Variants in BUB1B observed in about 807,000 individuals in gnomAD.
BUB1B encodes the protein BUB1 mitotic checkpoint serine/threonine kinase B.
Under a neutral mutation model 137.7 loss-of-function variants are expected in BUB1B, and 86 were observed. The observed-to-expected ratio is 0.62, with a 90% CI of 0.52 to 0.75. The LOEUF (loss-of-function observed/expected upper bound fraction) is 0.75, where lower values mean the gene tolerates loss of function less well. Ranked by LOEUF, BUB1B falls within the 30% of genes least tolerant of loss-of-function variation. The pLI is 0.00. For synonymous variants in BUB1B, 420 were observed against 417.9 expected, an observed-to-expected ratio of 1.00 and a Z score of -0.06; for missense variants, 1,130 against 1,236.9, an observed-to-expected ratio of 0.91 and a Z score of 1.30.
chr15:40,206,207 C>T lies in BUB1B; in HGVS notation c.1758C>T (p.Pro586=), dbSNP rs2037634161. The T allele has an allele frequency of 6.2e-7, 1 of 1,614,082 alleles. No homozygotes were observed. ...DVCDEFTGIE[P]LSEDAIITGF... is the part of the protein sequence containing the mutation. Reference sequence around the variant, plus strand: ...AGGATGAATTTACAGGAATTGAACCCTTGAGCGAGGATGCCATTATCACAG... The same window carrying T: ...AGGATGAATTTACAGGAATTGAACCTTTGAGCGAGGATGCCATTATCACAG... The change falls in exon 15 of 23, where the codon CCC becomes CCT. Residue 586 remains proline, a synonymous_variant. Coordinates refer to ENST00000287598, the MANE Select transcript of BUB1B (RefSeq NM_001211.6).
At chr15:40,198,267 G>A (rs2037522990) in intron 9 of BUB1B, among the ~76,000 whole-genome samples, 1 of 150,062 alleles carries the variant, frequency 6.7e-6, no homozygotes, top group Non-Finnish European at 1.5e-5. Flanking sequence ...TAGAGAGATG[G>A]GATCTCCCTG....
intron 8 of BUB1B, among the ~76,000 whole-genome samples, chr15:40,193,020 A>T (rs992314356): frequency 6.9e-6 from 1 of 145,136 alleles, no homozygotes; most frequent in African/African-American, 2.5e-5. Flanking sequence ...CTGGCTTATT[A>T]TTTTTTTTTT....
At chr15:40,201,098 A>G (rs1345602150) in intron 12 of BUB1B, 118 bp downstream of exon 12, 2 of 927,964 alleles carry the variant, frequency 2.2e-6, no homozygotes, top group Non-Finnish European at 3.4e-6. Flanking sequence ...CTAGGATACT[A>G]GGAATTTAGT....
chr15:40,167,915 C>T (rs1169595807), intron 2 of BUB1B, among the ~76,000 whole-genome samples: 7 of 152,014 alleles, frequency 4.6e-5, no homozygotes, highest in Admixed American at 4.6e-4. Flanking sequence ...CAATAAAATA[C>T]ACTGTTTTGA....
chr15:40,179,313 A>C (rs1230048909), intron 5 of BUB1B, among the ~76,000 whole-genome samples: 2 of 152,164 alleles, frequency 1.3e-5, no homozygotes, highest in Non-Finnish European at 2.9e-5. Flanking sequence ...TCCATTCATC[A>C]GTTAGTGAAC....
chr15:40,219,061 G>A (rs975344372), intron 22 of BUB1B, among the ~76,000 whole-genome samples: 4 of 152,042 alleles, frequency 2.6e-5, no homozygotes, highest in Admixed American at 6.6e-5. Context: ...ACAGGCGTGC[G>A]CCACCATGCC....
intron 18 of BUB1B, 89 bp from the exon 19 acceptor site, chr15:40,212,410 A>G: frequency 4.1e-6 from 4 of 979,580 alleles, no homozygotes; most frequent in South Asian, 2.7e-5. Flanking sequence ...TTATTTCTCT[A>G]TCAGAAGGGC....
intron 2 of BUB1B, among the ~76,000 whole-genome samples, chr15:40,166,942 T>G (rs1227249755): frequency 6.6e-6 from 1 of 152,170 alleles, no homozygotes; most frequent in African/African-American, 2.4e-5. Context: ...TTGTGGTGTA[T>G]CTGTTTAGAT....
chr15:40,212,688 G>T, intron 19 of BUB1B, 40 bp downstream of exon 19: 2 of 1,586,858 alleles, frequency 1.3e-6, no homozygotes, highest in South Asian at 2.2e-5. Flanking sequence ...TCCTGAAGTA[G>T]AGAGATTTGT....
chr15:40,190,829 C>T (rs942825757), intron 8 of BUB1B, among the ~76,000 whole-genome samples: 1 of 151,842 alleles, frequency 6.6e-6, no homozygotes, highest in African/African-American at 2.4e-5. Flanking sequence ...GATTCACATC[C>T]TAGGTGGAAC....
At chr15:40,183,691 A>AAT in intron 5 of BUB1B, 23 bp from the exon 6 acceptor site, 2 of 1,613,334 alleles carry the variant, frequency 1.2e-6, no homozygotes, top group Non-Finnish European at 1.7e-6. Context: ...CCTCACTAAA[A>AAT]GTTGTGCATT....
rs1740597055 is a variant in BUB1B at position 40,165,003 on chromosome 15, T to C, written c.36-50T>C. ...GAAGACATTTACAATAATCTAGTGC[T>C]ATAATAGTCAATGTTGGTATGAGAT... On this transcript the variant is annotated intron_variant, in intron 1 of 22. Transcript: ENST00000287598. 3 of 1,609,434 alleles carry C rather than the reference T, an allele frequency of 1.9e-6. No homozygotes were observed. The South Asian group carries it at 3.3e-5, about 18-fold the overall frequency.
chr15:40,216,564 TATA>T (rs1439252806), intron 20 of BUB1B, among the ~76,000 whole-genome samples: 2,278 of 78,916 alleles, frequency 0.029, 29 homozygotes, highest in East Asian at 0.068. Flanking sequence ...TATATATATA[TATA>T]TATATTTTTT....
At chr15:40,217,386 T>G in intron 20 of BUB1B, 110 bp from the exon 21 acceptor site, 1 of 1,142,700 alleles carries the variant, frequency 8.8e-7, no homozygotes, top group Non-Finnish European at 1.3e-6. Flanking sequence ...TGGAGGGAGT[T>G]GTTGGCATAG....
chr15:40,192,655 AG>A (rs2037451220), intron 8 of BUB1B, among the ~76,000 whole-genome samples: 1 of 152,150 alleles, frequency 6.6e-6, no homozygotes. Context: ...TAGTATATGT[AG>A]CCTTTTCAAT....
chr15:40,216,112 AT>A (rs1374389831), intron 20 of BUB1B, among the ~76,000 whole-genome samples: 1 of 151,862 alleles, frequency 6.6e-6, no homozygotes, highest in Non-Finnish European at 1.5e-5. Context: ...TCTATGAGAC[AT>A]TTTTTCCCTA....
In BUB1B at chr15:40,165,851, A is replaced by ATT. The variant is rs398039434; in HGVS notation, c.179+670_179+671dup. The stretch of plus-strand genomic sequence containing the variant: ...TGACTATTCTTATTCATCTCTTTGG[A>ATT]TTTTTTTTTTTTTTTTAATATGACA... On this transcript the variant is annotated intron_variant, in intron 2 of 22. Transcript: ENST00000287598. 7.3e-3 allele frequency among the ~76,000 whole-genome samples: 1,056 copies of ATT among 144,892 alleles called. 14 individuals carry two copies. Among genetic ancestry groups the ATT allele is most frequent in the African/African-American group, 0.024 (964 of 39,604 alleles).
At chr15:40,180,815 A>C (rs529277032) in intron 5 of BUB1B, among the ~76,000 whole-genome samples, 1 of 150,712 alleles carries the variant, frequency 6.6e-6, no homozygotes, top group East Asian at 2.0e-4. Context: ...ACGGCTGGCT[A>C]ATTTTTGTAT....
chr15:40,161,243 G>A lies in BUB1B; in HGVS notation c.23G>A (p.Gly8Glu). ...AGGATGGCGGCGGTGAAGAAGGAAG[G>A]GGGTGCTCTGAGGTAGGTACGGGAG... The part of the protein sequence containing the change: MAAVKKE[G>E]GALSEAMSLE... The change falls in exon 1 of 23, where the codon GGG becomes GAG. Residue 8 changes from glycine to glutamate, a missense_variant. Transcript: ENST00000287598. The A allele has an allele frequency of 1.2e-6, 2 of 1,613,146 alleles. No individual in the cohort carries two copies. Among genetic ancestry groups the A allele is most frequent in the Non-Finnish European group, 8.5e-7 (1 of 1,179,574 alleles).
Sources: gnomAD v4.1 joint callset for allele counts (sites outside exome capture counted in the v4.1 genomes callset) on GRCh38, gnomAD v4.1.1 for gene constraint, MANE v1.5 for transcripts, NCBI Gene and HGNC (gene_info 2026-07-23, HGNC 2026-07-21) for gene names.